The following GBE1 variants were observed in gnomAD, a reference collection of about 807,000 sequenced individuals.
GBE1 encodes the protein 1,4-alpha-glucan branching enzyme 1.
In GBE1, 70 loss-of-function variants were observed where a neutral mutation model predicts 88.8. That is an observed-to-expected ratio of 0.79 (90% CI 0.65 to 0.96). The LOEUF is 0.96. GBE1 is among the 40% of genes least tolerant of loss of function. The pLI, the probability that GBE1 is intolerant of heterozygous loss-of-function variation, is 0.00. For missense variants in GBE1, 872 were observed against 871.0 expected (o/e 1.00, Z -0.01); for synonymous variants, 284 against 300.1 (o/e 0.95, Z 0.56).
In GBE1 at chr3:81,649,855, G is replaced by T; in HGVS notation, c.496C>A (p.Arg166Ser). Residue 166 changes from arginine to serine, a missense_variant, in exon 4 of 16, where the codon CGT (arginine) becomes AGT (serine). Arg to Ser is a moderately radical substitution (Grantham distance 110). Coordinates refer to ENST00000429644, the MANE Select transcript of GBE1 (RefSeq NM_000158.4). ...TCATAATTCACATTATCACCTTCACGAACCACATACTTTGCCCACGGTGAA... is the reference window on the plus strand; with the variant it reads ...TCATAATTCACATTATCACCTTCACTAACCACATACTTTGCCCACGGTGAA... ...RISPWAKYVV[R>S]EGDNVNYDWI... is the part of the protein sequence containing the mutation. The T allele has an allele frequency of 1.2e-6, 2 of 1,610,908 alleles. No homozygotes were observed. The highest frequency in any genetic ancestry group is 1.1e-5 in the South Asian group (1 of 90,912).
At chr3:81,539,464 T>C (rs375239840) in intron 12 of GBE1, among the ~76,000 whole-genome samples, 1 of 151,906 alleles carries the variant, frequency 6.6e-6, no homozygotes. Flanking sequence ...TATTTTAAAG[T>C]AGGGAAATGA....
intron 1 of GBE1, among the ~76,000 whole-genome samples, chr3:81,721,245 A>G (rs1706030314): frequency 1.1e-5 from 1 of 89,126 alleles, no homozygotes; most frequent in African/African-American, 5.3e-5. Flanking sequence ...AAACACATGA[A>G]AAAAAAAAAA....
chr3:81,721,201 T>TAAAAAAA (rs1231652572), intron 1 of GBE1, among the ~76,000 whole-genome samples: 1 of 32,662 alleles, frequency 3.1e-5, no homozygotes, highest in African/African-American at 1.7e-4. Context: ...TAGAGTATAA[T>TAAAAAAA]AAAAAATAAA....
At chr3:81,522,470 T>C (rs931725642) in intron 14 of GBE1, among the ~76,000 whole-genome samples, 3 of 151,330 alleles carry the variant, frequency 2.0e-5, no homozygotes, top group Non-Finnish European at 4.4e-5. Flanking sequence ...TTATGGCTGG[T>C]GTTATTAAAA....
At chr3:81,611,388 C>T (rs1054404003) in intron 7 of GBE1, among the ~76,000 whole-genome samples, 1 of 151,920 alleles carries the variant, frequency 6.6e-6, no homozygotes, top group African/African-American at 2.4e-5. Flanking sequence ...CCAAGTAATG[C>T]AATAGGAAAA....
At chr3:81,688,155 G>A (rs564285458) in intron 2 of GBE1, among the ~76,000 whole-genome samples, 11 of 152,312 alleles carry the variant, frequency 7.2e-5, no homozygotes, top group East Asian at 3.9e-4. Flanking sequence ...GTGCTACTCC[G>A]CACTACAGTG....
At chr3:81,565,205 T>C (rs1703475513) in intron 12 of GBE1, among the ~76,000 whole-genome samples, 1 of 152,198 alleles carries the variant, frequency 6.6e-6, no homozygotes, top group African/African-American at 2.4e-5. Context: ...ATTGAGAATT[T>C]TGCAGTTTTT....
chr3:81,613,106 CT>C (rs1175651333), intron 7 of GBE1: 9 of 533,164 alleles, frequency 1.7e-5, no homozygotes, highest in Non-Finnish European at 2.4e-5. Context: ...TCCGACCTTC[CT>C]TTTTTAAAAT....
rs1491583586 is a variant in GBE1, at chr3:81,750,658, T to TATATATATAC, written c.143+10716_143+10717insGTATATATAT. On this transcript the variant is annotated intron_variant, in intron 1 of 15. Transcript: ENST00000429644. ...ATATATATATATGTATATATATATA[T>TATATATATAC]GTATATATATATATACGTATATATA... 4.8e-3 allele frequency among the ~76,000 whole-genome samples: 273 copies of TATATATATAC among 56,952 alleles called. 27 individuals carry two copies. Among genetic ancestry groups the TATATATATAC allele is most frequent in the African/African-American group, 0.034 (264 of 7,720 alleles). The allele number at this position is 56,952 out of a possible 152,430, so 37.4% of individuals were successfully genotyped here.
intron 7 of GBE1, among the ~76,000 whole-genome samples, chr3:81,629,133 G>A (rs575825129): frequency 3.5e-5 from 5 of 140,996 alleles, no homozygotes; most frequent in African/African-American, 5.4e-5. Context: ...ACCCACTAAC[G>A]TGTCATCTAG....
intron 14 of GBE1, among the ~76,000 whole-genome samples, chr3:81,515,791 T>C (rs1250879481): frequency 6.6e-6 from 1 of 151,636 alleles, no homozygotes; most frequent in East Asian, 1.9e-4. Context: ...ACCAGCCTAC[T>C]GCTGATAGGA....
intron 14 of GBE1, among the ~76,000 whole-genome samples, chr3:81,527,200 G>A (rs1026833052): frequency 2.0e-5 from 3 of 151,830 alleles, no homozygotes; most frequent in Non-Finnish European, 2.9e-5. Flanking sequence ...CCTTCCTTAC[G>A]CCTTATATTA....
chr3:81,586,871 C>T (rs1353416713), intron 9 of GBE1, among the ~76,000 whole-genome samples: 4 of 151,900 alleles, frequency 2.6e-5, no homozygotes, highest in Non-Finnish European at 5.9e-5. Flanking sequence ...TCACTGCAAC[C>T]TCTGCCTCCC....
intron 2 of GBE1, among the ~76,000 whole-genome samples, chr3:81,702,431 A>G (rs1484114530): frequency 6.6e-6 from 1 of 152,018 alleles, no homozygotes; most frequent in Admixed American, 6.6e-5. Flanking sequence ...CATAAAAAAG[A>G]CATCCTTTCT....
chr3:81,576,591 T>C (rs556206951), intron 12 of GBE1, among the ~76,000 whole-genome samples: 1 of 152,298 alleles, frequency 6.6e-6, no homozygotes, highest in South Asian at 2.1e-4. Flanking sequence ...TATTGGAGAA[T>C]GATGCATCCT....
At chr3:81,653,998 C>A (rs9790090) in intron 3 of GBE1, among the ~76,000 whole-genome samples, 18 of 152,026 alleles carry the variant, frequency 1.2e-4, no homozygotes, top group African/African-American at 4.3e-4. Context: ...ATCTTGCGTA[C>A]CTTAAGTATA....
At chr3:81,509,452 T>C (rs1220996003) in intron 14 of GBE1, 3 of 151,948 alleles carry the variant, frequency 2.0e-5, no homozygotes, top group Non-Finnish European at 4.4e-5. Context: ...GCTTTTAACA[T>C]ATTATAAATT....
intron 12 of GBE1, among the ~76,000 whole-genome samples, chr3:81,573,634 T>C (rs189633642): frequency 1.3e-5 from 2 of 152,332 alleles, no homozygotes; most frequent in Admixed American, 1.3e-4. Flanking sequence ...GTCTTAAGCA[T>C]AAAGAAATCT....
intron 2 of GBE1, among the ~76,000 whole-genome samples, chr3:81,685,315 T>TTTG (rs373839984): frequency 4.1e-4 from 63 of 152,086 alleles, no homozygotes; most frequent in East Asian, 3.1e-3. Context: ...AGACAAGTTT[T>TTTG]TTGTTGTTGT....
Sources: allele counts gnomAD v4.1 joint callset (sites outside exome capture counted in the v4.1 genomes callset), GRCh38; gene constraint gnomAD v4.1.1; transcripts MANE v1.5; gene names NCBI Gene and HGNC (gene_info 2026-07-23, HGNC 2026-07-21).